The following FSD1L variants were observed in gnomAD, a reference collection of about 807,000 sequenced individuals.
FSD1L encodes FSD1-like protein.
FSD1L carries 45 observed loss-of-function variants against 71.6 expected under a neutral mutation model. The observed-to-expected ratio is 0.63, with a 90% CI of 0.49 to 0.81. The LOEUF is 0.81. Among genes scored for constraint, FSD1L ranks in the 30% least tolerant of loss-of-function variants. The probability of loss-of-function intolerance (pLI) is 0.00; values close to 1 mark genes in which losing one functional copy is unlikely to be tolerated. For synonymous variants in FSD1L, 197 were observed against 207.2 expected, an observed-to-expected ratio of 0.95 and a Z score of 0.42; for missense variants, 561 against 618.1, an observed-to-expected ratio of 0.91 and a Z score of 0.98.
intron 10 of FSD1L, among the ~76,000 whole-genome samples, chr9:105,514,412 A>G (rs1052960137): frequency 2.0e-5 from 3 of 152,174 alleles, no homozygotes; most frequent in African/African-American, 7.2e-5. Context: ...TTCTTTCCAT[A>G]AATATTTGTT....
At chr9:105,481,179 GGT>G (rs1832165139) in intron 6 of FSD1L, among the ~76,000 whole-genome samples, 2 of 115,388 alleles carry the variant, frequency 1.7e-5, no homozygotes, top group African/African-American at 6.5e-5. Context: ...GTGTGTGTGT[GGT>G]TCTTTTTTTT....
At chr9:105,477,403 C>T (rs1209110631) in intron 5 of FSD1L, among the ~76,000 whole-genome samples, 1 of 152,162 alleles carries the variant, frequency 6.6e-6, no homozygotes, top group Non-Finnish European at 1.5e-5. Context: ...GCATGATCAG[C>T]AGGGGCTGCC....
intron 7 of FSD1L, among the ~76,000 whole-genome samples, chr9:105,494,446 A>G (rs1833201683): frequency 6.6e-6 from 1 of 152,060 alleles, no homozygotes; most frequent in South Asian, 2.1e-4. Flanking sequence ...TTTGGTTTGA[A>G]TTTCCTCCTG....
At chr9:105,517,379 C>A (rs983399494) in intron 10 of FSD1L, among the ~76,000 whole-genome samples, 1 of 151,934 alleles carries the variant, frequency 6.6e-6, no homozygotes, top group Admixed American at 6.6e-5. Flanking sequence ...ATTGTCAGAT[C>A]CACCTAGGTT....
intron 5 of FSD1L, among the ~76,000 whole-genome samples, chr9:105,476,456 A>AT (rs1394358836): frequency 6.6e-6 from 1 of 152,220 alleles, no homozygotes; most frequent in Non-Finnish European, 1.5e-5. Flanking sequence ...GTACCAGCTG[A>AT]TTCCAAGATT....
chr9:105,499,114 T>C (rs1316837761), intron 7 of FSD1L, among the ~76,000 whole-genome samples: 1 of 152,234 alleles, frequency 6.6e-6, no homozygotes, highest in Non-Finnish European at 1.5e-5. Flanking sequence ...TATTCTGCCA[T>C]TGTTGGTTGA....
chr9:105,475,938 T>G (rs1300295793), intron 5 of FSD1L, among the ~76,000 whole-genome samples: 1 of 152,172 alleles, frequency 6.6e-6, no homozygotes, highest in East Asian at 1.9e-4. Context: ...GACATATTTT[T>G]GCCTAAAGGA....
At chr9:105,520,019 G>T (rs1296034830) in intron 10 of FSD1L, 1 of 1,449,168 alleles carries the variant, frequency 6.9e-7, no homozygotes, top group African/African-American at 1.4e-5. Flanking sequence ...CAAGGCTGGG[G>T]AGCTAATGAG....
chr9:105,482,293 GCA>G lies in FSD1L; in HGVS notation c.465-2087_465-2086del, dbSNP rs375288805. Among the ~76,000 whole-genome samples the G allele has an allele frequency of 3.4e-3, 520 of 152,232 alleles. 5 individuals carry two copies. Among genetic ancestry groups the G allele is most frequent in the African/African-American group, 0.012 (489 of 41,540 alleles). ...TCTCTATAACTTTATAGAATTACTG[GCA>G]TGTACTTCTGGGGACTTAATAATAT... On this transcript the variant is annotated intron_variant, in intron 6 of 13. Coordinates refer to ENST00000481272, the MANE Select transcript of FSD1L (RefSeq NM_001145313.3).
chr9:105,539,203 A>T, intron 12 of FSD1L, 60 bp from the exon 13 acceptor site: 1 of 783,798 alleles, frequency 1.3e-6, no homozygotes, highest in Non-Finnish European at 2.0e-6. Flanking sequence ...ATGCGTTAGA[A>T]TTAATTAAAT....
chr9:105,534,431 T>C (rs1007093128), intron 10 of FSD1L, 62 bp from the exon 11 acceptor site: 1 of 841,254 alleles, frequency 1.2e-6, no homozygotes, highest in East Asian at 2.7e-5. Context: ...TTTCTAGTTT[T>C]AGTTTATGAA....
At chr9:105,526,467 G>C in intron 10 of FSD1L, 3 of 1,612,544 alleles carry the variant, frequency 1.9e-6, no homozygotes, top group East Asian at 2.2e-5. Flanking sequence ...ATGTCTCCTC[G>C]AACTAGCAAA....
chr9:105,456,072 CA>C (rs1250324782), intron 1 of FSD1L, among the ~76,000 whole-genome samples: 1 of 152,184 alleles, frequency 6.6e-6, no homozygotes, highest in African/African-American at 2.4e-5. Context: ...ACCTGTTGAT[CA>C]GTTCCAGGTT....
At chr9:105,512,338 A>G (rs1366394947) in intron 9 of FSD1L, among the ~76,000 whole-genome samples, 2 of 152,094 alleles carry the variant, frequency 1.3e-5, no homozygotes, top group East Asian at 3.8e-4. Context: ...TTTGAAACTG[A>G]CAGTGTAGGT....
chr9:105,479,336 T>G lies in FSD1L; in HGVS notation c.442-18T>G. On this transcript the variant is annotated intron_variant, in intron 5 of 13. Coordinates refer to ENST00000481272, the MANE Select transcript of FSD1L (RefSeq NM_001145313.3). ...GCACTAACTTGCCTTCTTTCTCTTCTCCCTGATTGGCTCCAAGGCTGCCAG... is the reference window on the plus strand; with the variant it reads ...GCACTAACTTGCCTTCTTTCTCTTCGCCCTGATTGGCTCCAAGGCTGCCAG... The G allele has an allele frequency of 6.5e-7, 1 of 1,550,380 alleles. No homozygotes were observed. Among genetic ancestry groups the G allele is most frequent in the Non-Finnish European group, 8.7e-7 (1 of 1,146,182 alleles).
chr9:105,462,821 C>G (rs1328090790), intron 2 of FSD1L, among the ~76,000 whole-genome samples: 1 of 17,106 alleles, frequency 5.8e-5, no homozygotes, highest in Non-Finnish European at 9.1e-5. Flanking sequence ...TTTTTCACTA[C>G]TACAATACTT....
chr9:105,539,767 A>T (rs929067518), intron 13 of FSD1L, among the ~76,000 whole-genome samples: 1 of 152,150 alleles, frequency 6.6e-6, no homozygotes, highest in Non-Finnish European at 1.5e-5. Context: ...ATCATACAGT[A>T]TCTTTTTGAC....
intron 10 of FSD1L, chr9:105,520,068 T>C: frequency 1.3e-6 from 2 of 1,550,114 alleles, no homozygotes; most frequent in South Asian, 1.2e-5. Context: ...CTCCCTCCAC[T>C]TTCTGCCGCT....
chr9:105,462,620 TC>T (rs2131607102), intron 2 of FSD1L, among the ~76,000 whole-genome samples: 1 of 149,840 alleles, frequency 6.7e-6, no homozygotes, highest in Non-Finnish European at 1.5e-5. Context: ...ACCTCCCAGT[TC>T]AAGTGATTCT....
Sources: allele counts gnomAD v4.1 joint callset (sites outside exome capture counted in the v4.1 genomes callset), GRCh38; gene constraint gnomAD v4.1.1; transcripts MANE v1.5; gene names NCBI Gene and HGNC (gene_info 2026-07-23, HGNC 2026-07-21).